The following PPP1R17 variants were observed in gnomAD, a reference collection of about 807,000 sequenced individuals.
PPP1R17 encodes the protein G-substrate.
Under a neutral mutation model 15.9 loss-of-function variants are expected in PPP1R17, and 12 were observed. The observed-to-expected ratio is 0.75, with a 90% CI of 0.48 to 1.22. The LOEUF (loss-of-function observed/expected upper bound fraction) is 1.22. Among genes scored for constraint, PPP1R17 ranks in the 50% most tolerant of loss-of-function variants. PPP1R17 has a pLI of 0.00. For missense variants in PPP1R17, 211 were observed against 187.3 expected, an observed-to-expected ratio of 1.13 and a Z score of -0.74; for synonymous variants, 63 against 64.5, an observed-to-expected ratio of 0.98 and a Z score of 0.11.
chr7:31,689,237 G>A (rs967090212), intron 1 of PPP1R17, among the ~76,000 whole-genome samples: 2 of 152,298 alleles, frequency 1.3e-5, no homozygotes, highest in Admixed American at 1.3e-4. Context: ...AGTGGAAAGA[G>A]GATGTTAAAA....
At chr7:31,699,020 A>G (rs1490543478) in intron 4 of PPP1R17, among the ~76,000 whole-genome samples, 1 of 152,190 alleles carries the variant, frequency 6.6e-6, no homozygotes, top group East Asian at 1.9e-4. Context: ...CTGGAAAACA[A>G]ACCCCAAAGA....
At chr7:31,697,280 A>C (rs952835180) in intron 4 of PPP1R17, among the ~76,000 whole-genome samples, 163 bp downstream of exon 4, 5 of 152,216 alleles carry the variant, frequency 3.3e-5, no homozygotes, top group Non-Finnish European at 5.9e-5. Context: ...TTTTAGGTTT[A>C]TCTCTACTAG....
chr7:31,694,387 AACACACACAC>A (rs533091870), intron 2 of PPP1R17, among the ~76,000 whole-genome samples: 1 of 141,598 alleles, frequency 7.1e-6, no homozygotes, highest in African/African-American at 2.6e-5. Context: ...CTCTCTCTCA[AACACACACAC>A]ACACACACAC....
At chr7:31,691,184 T>C (rs1792325739) in intron 1 of PPP1R17, among the ~76,000 whole-genome samples, 1 of 152,176 alleles carries the variant, frequency 6.6e-6, no homozygotes, top group African/African-American at 2.4e-5. Context: ...GCTCAAGTGA[T>C]CAGTTAATAG....
intron 4 of PPP1R17, among the ~76,000 whole-genome samples, chr7:31,706,965 C>T (rs989354555): frequency 6.6e-5 from 10 of 152,162 alleles, no homozygotes; most frequent in Admixed American, 5.2e-4. Context: ...ATGAAGGTTG[C>T]CTCTGACTTC....
At chr7:31,701,851 G>A (rs1792861240) in intron 4 of PPP1R17, among the ~76,000 whole-genome samples, 1 of 152,190 alleles carries the variant, frequency 6.6e-6, no homozygotes, top group South Asian at 2.1e-4. Context: ...TATTTTTAAA[G>A]ACATAATGCT....
intron 4 of PPP1R17, among the ~76,000 whole-genome samples, chr7:31,702,210 T>TA (rs201582092): frequency 0.012 from 1,368 of 112,420 alleles, 16 homozygotes; most frequent in African/African-American, 0.045. Flanking sequence ...CTTATTTATT[T>TA]TTTTTTTTGC....
At position 31,696,979 on chromosome 7, in the gene PPP1R17, C is replaced by T. The variant is rs757460679; in HGVS notation, c.250C>T (p.His84Tyr). ...TAACCATGCAGGTGTGTTTTCAGAACATTTAATTAAAAGATACGATGTTCA... is the reference window on the plus strand; with the variant it reads ...TAACCATGCAGGTGTGTTTTCAGAATATTTAATTAAAAGATACGATGTTCA... Reference protein sequence around the residue: ...PPFIPGVFSEHLIKRYDVQER... With the variant: ...PPFIPGVFSEYLIKRYDVQER... Residue 84 changes from histidine to tyrosine, a missense_variant, in exon 4 of 5, where the codon CAT (histidine) becomes TAT (tyrosine). Coordinates refer to ENST00000342032, the MANE Select transcript of PPP1R17 (RefSeq NM_006658.5). The T allele has an allele frequency of 9.9e-6, 16 of 1,613,964 alleles. No individual in the cohort carries two copies. Among genetic ancestry groups the T allele is most frequent in the Middle Eastern group, 1.6e-4 (1 of 6,062 alleles).
chr7:31,700,166 C>T (rs1366257563), intron 4 of PPP1R17, among the ~76,000 whole-genome samples: 1 of 152,110 alleles, frequency 6.6e-6, no homozygotes, highest in African/African-American at 2.4e-5. Flanking sequence ...GTCTCTTGTA[C>T]CAACGAGTTA....
At chr7:31,698,651 G>A (rs1054546129) in intron 4 of PPP1R17, among the ~76,000 whole-genome samples, 6 of 152,076 alleles carry the variant, frequency 3.9e-5, no homozygotes, top group Admixed American at 3.9e-4. Flanking sequence ...TCACATCCTG[G>A]GCTCTGTTCT....
At chr7:31,705,986 A>ATTTTTTTTTTTTTTTTTTTTTT (rs550189867) in intron 4 of PPP1R17, among the ~76,000 whole-genome samples, 3 of 52,514 alleles carry the variant, frequency 5.7e-5, no homozygotes, top group African/African-American at 1.5e-4. Context: ...CAGACCAGTA[A>ATTTTTTTTTTTTTTTTTTTTTT]TTTTTTTTTT....
In PPP1R17 at chr7:31,707,241, C is replaced by A. The variant is rs961740202; in HGVS notation, c.426C>A (p.Ile142=). ...TCAGGGACGAGAGACCCAAAGCAAT[C>A]GTGGAAGATGACGAAAAGGATGGTG... ...TLLRDERPKA[I]VEDDEKDGDK... The change falls in exon 5 of 5, where the codon ATC becomes ATA. Residue 142 remains isoleucine (I), a synonymous_variant. Coordinates refer to ENST00000342032, the MANE Select transcript of PPP1R17 (RefSeq NM_006658.5). 1 of 1,613,952 alleles carries A rather than the reference C, an allele frequency of 6.2e-7. No individual in the cohort carries two copies. Among genetic ancestry groups the A allele is most frequent in the African/African-American group, 1.3e-5 (1 of 75,024 alleles).
chr7:31,701,665 GA>G (rs1339456490), intron 4 of PPP1R17, among the ~76,000 whole-genome samples: 1 of 152,208 alleles, frequency 6.6e-6, no homozygotes, highest in East Asian at 1.9e-4. Flanking sequence ...CATCAATGCA[GA>G]AAACTTCACT....
intron 4 of PPP1R17, among the ~76,000 whole-genome samples, chr7:31,704,045 T>G (rs376952264): frequency 6.6e-6 from 1 of 152,276 alleles, no homozygotes; most frequent in African/African-American, 2.4e-5. Flanking sequence ...TTATTAGAGG[T>G]TTGTCACAAA....
chr7:31,697,860 C>T (rs561731188), intron 4 of PPP1R17, among the ~76,000 whole-genome samples: 4 of 152,212 alleles, frequency 2.6e-5, no homozygotes, highest in Middle Eastern at 3.4e-3. Context: ...GCTATTATCT[C>T]GTTTTGCAGA....
chr7:31,692,460 A>G lies in PPP1R17; in HGVS notation c.19A>G (p.Met7Val). 6.2e-7 allele frequency: 1 copy of G among 1,611,578 alleles called. No homozygotes were observed. Among genetic ancestry groups the G allele is most frequent in the Non-Finnish European group, 8.5e-7 (1 of 1,177,674 alleles). MMSTEQ[M>V]QPLELSEDRL... ...TCCTTTGATGATGTCCACTGAGCAA[A>G]TGCAGCCACTGGAACTCTCAGAAGA... Residue 7 changes from methionine to valine, a missense_variant, in exon 2 of 5, where the codon ATG becomes GTG. Transcript: ENST00000342032.
At position 31,690,962 on chromosome 7, in the gene PPP1R17, A is replaced by T. The variant is rs141195091; in HGVS notation, c.-36-1444A>T. Among the ~76,000 whole-genome samples the T allele has an allele frequency of 2.0e-4, 31 of 152,280 alleles. No individual in the cohort carries two copies. In the East Asian group the frequency reaches 5.8e-3, roughly 28 times the overall value. ...CCTGAAGAGGAGGAAAATTGGTTAA[A>T]TAGGTGCATAAGACCATATCTGATG... is the stretch of plus-strand genomic sequence containing the variant. On this transcript the variant is annotated intron_variant, in intron 1 of 4. Transcript: ENST00000342032.
intron 2 of PPP1R17, among the ~76,000 whole-genome samples, chr7:31,694,764 C>T (rs935603905): frequency 2.0e-5 from 3 of 152,082 alleles, no homozygotes; most frequent in Middle Eastern, 3.4e-3. Context: ...ATGGGCAGGG[C>T]GTGATCAGAT....
In PPP1R17 at chr7:31,705,986, A is replaced by ATTTTTTTT. The variant is rs550189867; in HGVS notation, c.389-1189_389-1182dup. The stretch of plus-strand genomic sequence containing the variant: ...GACTTCTGAATTTCACAGACCAGTA[A>ATTTTTTTT]TTTTTTTTTTTTTTTTTTTTTTTTT... On this transcript the variant is annotated intron_variant, in intron 4 of 4. Coordinates refer to ENST00000342032, the MANE Select transcript of PPP1R17 (RefSeq NM_006658.5). 1.1e-4 allele frequency among the ~76,000 whole-genome samples: 6 copies of ATTTTTTTT among 52,514 alleles called. 2 individuals are homozygous for ATTTTTTTT. Among genetic ancestry groups the ATTTTTTTT allele is most frequent in the African/African-American group, 1.5e-4 (2 of 13,282 alleles). 34.5% of individuals were successfully genotyped at this position (52,514 alleles called of 152,430 possible).
Sources: allele counts gnomAD v4.1 joint callset (sites outside exome capture counted in the v4.1 genomes callset), GRCh38; gene constraint gnomAD v4.1.1; transcripts MANE v1.5; gene names NCBI Gene and HGNC (gene_info 2026-07-23, HGNC 2026-07-21).